PRR12: variants seen among roughly 807,000 people sequenced by gnomAD.
PRR12 encodes the protein proline-rich protein 12.
Under a neutral mutation model 138.0 loss-of-function variants are expected in PRR12, and 12 were observed. The observed-to-expected ratio is 0.09, with a 90% CI of 0.06 to 0.14. PRR12 has a LOEUF of 0.14. Among genes scored for constraint, PRR12 ranks in the 10% least tolerant of loss-of-function variants. The pLI, the probability that PRR12 is intolerant of heterozygous loss-of-function variation, is 1.00. For synonymous variants in PRR12, 1,567 were observed against 1,291.7 expected, an observed-to-expected ratio of 1.21 and a Z score of -4.57; for missense variants, 2,692 against 2,861.3, an observed-to-expected ratio of 0.94 and a Z score of 1.35.
intron 2 of PRR12, among the ~76,000 whole-genome samples, chr19:49,593,882 C>T (rs1322209651): frequency 3.3e-5 from 5 of 152,184 alleles, no homozygotes; most frequent in Non-Finnish European, 5.9e-5. Flanking sequence ...TTCTACCCAC[C>T]TTGCCTTTGC....
rs1273861119 is a variant in PRR12 at position 49,597,246 on chromosome 19, G to A, written c.2911G>A (p.Glu971Lys). 5.7e-6 allele frequency: 9 copies of A among 1,572,164 alleles called. No individual in the cohort carries two copies. The highest frequency in any genetic ancestry group is 7.8e-6 in the Non-Finnish European group (9 of 1,159,342). ...CGGCAAGGCCGGGCCACCTGAGGAC[G>A]AGGGGGACCCCAAGGCTGGCGCTGG... is the stretch of plus-strand genomic sequence containing the variant. The part of the protein sequence containing the change: ...DYGKAGPPED[E>K]GDPKAGAGPP... The change falls in exon 4 of 14, where the codon GAG becomes AAG. Residue 971 changes from glutamate (E) to lysine (K), a missense_variant. Transcript: ENST00000418929. This position sits in a 1 kb window ranked among gnomAD's most constrained non-coding sequence, Gnocchi z 6.3.
chr19:49,601,628 TCACCAC>T lies in PRR12; in HGVS notation c.4485_4490del (p.Pro1499_Pro1500del), dbSNP rs1336928681. On this transcript the variant is annotated inframe_deletion, in exon 6 of 14. Coordinates refer to ENST00000418929, the MANE Select transcript of PRR12 (RefSeq NM_020719.3). ...CCCGCTGGTGGCCCCCACGCCCAGC[TCACCAC>T]CGCCACCGCCGCTGCCGCCGCCACC... 90 of 1,532,534 alleles carry T rather than the reference TCACCAC, an allele frequency of 5.9e-5. No individual in the cohort carries two copies. The highest frequency in any genetic ancestry group is 7.3e-5 in the Non-Finnish European group (83 of 1,142,744). The allele number at this position is 1,532,534 out of a possible 1,614,324, so 94.9% of individuals were successfully genotyped here. A position where few individuals can be genotyped will look rare whatever the true frequency, so the allele number is the denominator to read the frequency against.
chr19:49,593,350 C>A lies in PRR12; in HGVS notation c.110C>A (p.Thr37Asn), dbSNP rs1334202946. ...KASLVYGSSR[T>N]SHPETDILHR... Reference sequence around the variant, plus strand: ...AGCTTGGTTTATGGCAGCTCCAGGACCTCGCACCCCGAGACGGACATCTTA... The same window carrying A: ...AGCTTGGTTTATGGCAGCTCCAGGAACTCGCACCCCGAGACGGACATCTTA... The change falls in exon 2 of 14, where the codon ACC becomes AAC. Residue 37 changes from threonine (T) to asparagine (N), a missense_variant. Physicochemically the swap from Thr to Asn is moderately conservative, Grantham distance 65 (BLOSUM62 0). Around this residue, in one of 11 missense-constraint regions of PRR12, gnomAD observed 211 missense variants for 266.3 expected, o/e 0.79. Coordinates refer to ENST00000418929, the MANE Select transcript of PRR12 (RefSeq NM_020719.3). The A allele has an allele frequency of 6.2e-7, 1 of 1,610,938 alleles. No individual in the cohort carries two copies. Among genetic ancestry groups the A allele is most frequent in the Non-Finnish European group, 8.5e-7 (1 of 1,178,562 alleles).
Position 49,601,778 on chromosome 19 carries a change from C to T in PRR12, c.4633C>T (p.Pro1545Ser). 6.2e-7 allele frequency: 1 copy of T among 1,605,092 alleles called. No homozygotes were observed. The highest frequency in any genetic ancestry group is 8.5e-7 in the Non-Finnish European group (1 of 1,177,424). The change falls in exon 6 of 14, where the codon CCC becomes TCC. Residue 1545 changes from proline to serine, a missense_variant. Transcript: ENST00000418929. ...PEDPELPDTR[P>S]LHLAKKQETA... ...AGACCCCGAGCTGCCGGACACCCGG[C>T]CCCTGCATCTGGCCAAAAAGCAGGA...
At position 49,614,946 on chromosome 19, in the gene PRR12, A is replaced by G. The variant is rs769413084; in HGVS notation, c.4961A>G (p.Asn1654Ser). The G allele has an allele frequency of 3.1e-6, 5 of 1,614,016 alleles. No individual in the cohort carries two copies. Among genetic ancestry groups the G allele is most frequent in the Admixed American group, 1.7e-5 (1 of 60,018 alleles). Residue 1654 changes from asparagine (N) to serine (S), a missense_variant, in exon 8 of 14, where the codon AAT becomes AGT. Asn to Ser is a conservative substitution (Grantham distance 46). Around this residue, in one of 11 missense-constraint regions of PRR12, gnomAD observed 92 missense variants for 174.1 expected, o/e 0.53. Transcript: ENST00000418929. The surrounding 1 kb of genome is among the most constrained non-coding windows in gnomAD (Gnocchi z 5.0). ...TATGTAAAGTTCCTGGAAAATGTCA[A>G]TAAGAAGGACTACGTGAGGGTCTGT... ...RLYVKFLENV[N>S]KKDYVRVCAR...
Position 49,609,994 on chromosome 19 carries a change from G to C in PRR12, c.4774-4539G>C, listed in dbSNP as rs2122340878. Among the ~76,000 whole-genome samples the C allele has an allele frequency of 2.7e-5, 4 of 148,460 alleles. No homozygotes were observed. In the South Asian group the frequency reaches 8.5e-4, roughly 32 times the overall value. The stretch of plus-strand genomic sequence containing the variant: ...CTTTTTCTTTCTTTTTTTTTTTTGA[G>C]ACGAAGTCTCGCTCTTGTCCCCCAG... On this transcript the variant is annotated intron_variant, in intron 6 of 13. Transcript: ENST00000418929.
chr19:49,598,287 G>A (rs1166739759), intron 4 of PRR12, among the ~76,000 whole-genome samples: 1 of 151,770 alleles, frequency 6.6e-6, no homozygotes, highest in South Asian at 2.1e-4. Flanking sequence ...TATTAGTCAG[G>A]ATGGTCTCGA....
chr19:49,607,151 G>T (rs770822281), intron 6 of PRR12, among the ~76,000 whole-genome samples: 4 of 151,894 alleles, frequency 2.6e-5, no homozygotes, highest in Admixed American at 6.6e-5. Flanking sequence ...AAGAAAGAAA[G>T]AAATTAGCCA....
At position 49,599,216 on chromosome 19, in the gene PRR12, A is replaced by T. The variant is rs2080795063; in HGVS notation, c.3679-56A>T. 8 of 1,474,100 alleles carry T rather than the reference A, an allele frequency of 5.4e-6. No homozygotes were observed. The South Asian group carries it at 8.3e-5, about 15-fold the overall frequency. 91.3% of individuals were successfully genotyped at this position (1,474,100 alleles called of 1,614,324 possible). On this transcript the variant is annotated intron_variant, in intron 4 of 13. Transcript: ENST00000418929. The surrounding 1 kb of genome is among the most constrained non-coding windows in gnomAD (Gnocchi z 5.0). ...TTGGATTTTTGGGGGCTGAGGGAGGATGGGACTGGGGGCCCAGGCTACTGG... is the reference window on the plus strand; with the variant it reads ...TTGGATTTTTGGGGGCTGAGGGAGGTTGGGACTGGGGGCCCAGGCTACTGG...
intron 6 of PRR12, among the ~76,000 whole-genome samples, chr19:49,610,310 C>T (rs2080859283): frequency 6.6e-6 from 1 of 152,064 alleles, no homozygotes; most frequent in African/African-American, 2.4e-5. Flanking sequence ...AATATCGAGT[C>T]TGAGTGTCTG....
intron 6 of PRR12, among the ~76,000 whole-genome samples, chr19:49,611,651 C>T (rs539437885): frequency 6.2e-5 from 9 of 146,222 alleles, no homozygotes; most frequent in African/African-American, 2.2e-4. Flanking sequence ...AGGCCGGGCG[C>T]GGTGGCTCAC....
rs768349520 is a variant in PRR12 at position 49,594,961 on chromosome 19, C to T, written c.626C>T (p.Ala209Val). 3.1e-6 allele frequency: 5 copies of T among 1,600,018 alleles called. No individual in the cohort carries two copies. The highest frequency in any genetic ancestry group is 1.7e-5 in the Admixed American group (1 of 58,222). ...TCTTCACTGGGCTTCGAGCGCCTGG[C>T]AGGGGGCGGTGTCTTGGGGCCAGCT... ...VPSSLGFERL[A>V]GGGVLGPAGL... The change falls in exon 4 of 14, where the codon GCA becomes GTA. Residue 209 changes from alanine (A) to valine (V), a missense_variant. Ala to Val is a moderately conservative substitution (Grantham distance 64). Around this residue, in one of 11 missense-constraint regions of PRR12, gnomAD observed 523 missense variants for 496.4 expected, o/e 1.05. Coordinates refer to ENST00000418929, the MANE Select transcript of PRR12 (RefSeq NM_020719.3). The surrounding 1 kb of genome is among the most constrained non-coding windows in gnomAD (Gnocchi z 5.6).
chr19:49,616,966 T>TA lies in PRR12; in HGVS notation c.5497+753dup, dbSNP rs1304179464. Among the ~76,000 whole-genome samples, 3 of 151,994 alleles carry TA rather than the reference T, an allele frequency of 2.0e-5. No individual in the cohort carries two copies. The highest frequency in any genetic ancestry group is 4.4e-5 in the Non-Finnish European group (3 of 67,964). On this transcript the variant is annotated intron_variant, in intron 9 of 13. Transcript: ENST00000418929. This position sits in a 1 kb window ranked among gnomAD's most constrained non-coding sequence, Gnocchi z 4.2. The stretch of plus-strand genomic sequence containing the variant: ...CAACATGGTGAAATCCCGGCTTTAC[T>TA]AAAAAATACAAAAATTAGCCCAGCA...
rs757567143 is a variant in PRR12 at position 49,593,319 on chromosome 19, C to T, written c.87-8C>T. 88 of 1,502,744 alleles carry T rather than the reference C, an allele frequency of 5.9e-5. 1 individual carries two copies. In the Admixed American group the frequency reaches 8.2e-4, roughly 14 times the overall value. 93.1% of individuals were successfully genotyped at this position (1,502,744 alleles called of 1,614,324 possible). ...AAGAACCCCCTGACGTCTCCCCTTT[C>T]CCCCCAGCTTGGTTTATGGCAGCTC... On this transcript the variant is annotated splice_polypyrimidine_tract_variant and splice_region_variant and intron_variant, in intron 1 of 13. Coordinates refer to ENST00000418929, the MANE Select transcript of PRR12 (RefSeq NM_020719.3).
intron 8 of PRR12, 111 bp downstream of exon 8, chr19:49,615,120 G>C: frequency 6.8e-7 from 1 of 1,472,700 alleles, no homozygotes; most frequent in East Asian, 2.3e-5. Flanking sequence ...AGAGAGAGGA[G>C]ACAGAGCCCA....
At chr19:49,615,318 A>G (rs1332568248) in intron 8 of PRR12, among the ~76,000 whole-genome samples, 1 of 150,936 alleles carries the variant, frequency 6.6e-6, no homozygotes, top group African/African-American at 2.4e-5. Flanking sequence ...ACCCAGAGAA[A>G]AAGAGGGACA....
chr19:49,591,914 G>A (rs2122275585), intron 1 of PRR12, among the ~76,000 whole-genome samples, 174 bp downstream of exon 1: 1 of 152,140 alleles, frequency 6.6e-6, no homozygotes, highest in South Asian at 2.1e-4. Context: ...TTTGCAAATT[G>A]CAAACTCCGC....
intron 6 of PRR12, among the ~76,000 whole-genome samples, chr19:49,612,891 C>T (rs1216215549): frequency 2.0e-5 from 3 of 151,782 alleles, no homozygotes; most frequent in African/African-American, 4.8e-5. Flanking sequence ...CTCAAACTCC[C>T]GACCTCAAGT....
rs1303656359 is a variant in PRR12, at chr19:49,595,775, A to C, written c.1440A>C (p.Pro480=). Residue 480 remains proline, a synonymous_variant, in exon 4 of 14, where the codon CCA becomes CCC. Coordinates refer to ENST00000418929, the MANE Select transcript of PRR12 (RefSeq NM_020719.3). ...SKAPSYSGGP[P]QPPSGPPPPG... ...CCCCCAGCTACTCAGGGGGCCCCCC[A>C]CAGCCCCCCAGCGGCCCCCCTCCTC... is the stretch of plus-strand genomic sequence containing the variant. 1.9e-6 allele frequency: 3 copies of C among 1,599,794 alleles called. No homozygotes were observed. The highest frequency in any genetic ancestry group is 2.2e-5 in the East Asian group (1 of 44,614).
Sources: gnomAD v4.1 joint callset for allele counts (sites outside exome capture counted in the v4.1 genomes callset) on GRCh38, gnomAD v4.1.1 for gene constraint, gnomAD v4.1.1 regional missense constraint, Gnocchi (gnomAD v3.1) non-coding constraint, MANE v1.5 for transcripts, NCBI Gene and HGNC (gene_info 2026-07-23, HGNC 2026-07-21) for gene names.